Variants in RBM34 observed in about 807,000 individuals in gnomAD.
RBM34 encodes RNA binding motif protein 34.
A neutral mutation model predicts 44.6 loss-of-function variants in RBM34; 39 were observed. The ratio of observed to expected loss-of-function variants is 0.87; its 90% CI spans 0.68 to 1.14. RBM34 has a LOEUF of 1.14. Ranked by LOEUF, RBM34 falls within the 50% of genes most tolerant of loss-of-function variation. The pLI is 0.00. For synonymous variants in RBM34, 194 were observed against 184.0 expected (o/e 1.05, Z -0.44); for missense variants, 572 against 517.9 (o/e 1.10, Z -1.01).
chr1:235,154,211 A>C lies in RBM34; in HGVS notation c.597+670T>G, dbSNP rs983113279. Among the ~76,000 whole-genome samples the C allele has an allele frequency of 2.7e-5, 4 of 150,842 alleles. No homozygotes were observed. In the East Asian group the frequency reaches 7.8e-4, roughly 29 times the overall value. On this transcript the variant is annotated intron_variant, in intron 4 of 10. Coordinates refer to ENST00000408888, the MANE Select transcript of RBM34 (RefSeq NM_015014.4). ...CAGTGAACAGAGATCGCGCCACTGC[A>C]CTCCAGCCTGGGCAACAGAGCGAGA...
At chr1:235,154,314 G>A (rs965771078) in intron 4 of RBM34, among the ~76,000 whole-genome samples, 1 of 151,674 alleles carries the variant, frequency 6.6e-6, no homozygotes, top group Non-Finnish European at 1.5e-5. Context: ...GCTCATGCTT[G>A]AAGTCCCAGC....
rs752090756 is a variant in RBM34 at position 235,152,773 on chromosome 1, T to TAA, written c.598-10_598-9dup. 13 of 1,297,700 alleles carry TAA rather than the reference T, an allele frequency of 1.0e-5. No individual in the cohort carries two copies. The highest frequency in any genetic ancestry group is 2.4e-5 in the Admixed American group (1 of 42,160). The allele number at this position is 1,297,700 out of a possible 1,614,324, so 80.4% of individuals were successfully genotyped here. A position where few individuals can be genotyped will look rare whatever the true frequency, so the allele number is the denominator to read the frequency against. ...AAAAAACGACTTCAGCTTCTAAAAT[T>TAA]AAAAAAAAAAATACACATTAGCTGA... On this transcript the variant is annotated splice_polypyrimidine_tract_variant and intron_variant, in intron 4 of 10. Transcript: ENST00000408888.
intron 3 of RBM34, among the ~76,000 whole-genome samples, chr1:235,159,122 C>T (rs1229232798): frequency 6.7e-6 from 1 of 149,350 alleles, no homozygotes; most frequent in Non-Finnish European, 1.5e-5. Flanking sequence ...CTGAGGTGGG[C>T]GGCTGGATTG....
At chr1:235,158,245 T>C (rs1435929700) in intron 3 of RBM34, among the ~76,000 whole-genome samples, 1 of 151,244 alleles carries the variant, frequency 6.6e-6, no homozygotes, top group Non-Finnish European at 1.5e-5. Context: ...TGAAACCCCA[T>C]CTCTACCAAA....
chr1:235,155,970 C>G (rs1662426398), intron 3 of RBM34, among the ~76,000 whole-genome samples: 1 of 144,586 alleles, frequency 6.9e-6, no homozygotes. Context: ...CTCTGGTTCA[C>G]AACGATTCTT....
rs759685290 is a variant in RBM34, at chr1:235,135,681, C to G, written c.979G>C (p.Gly327Arg). ...RIVRDKMTGI[G>R]KGFGYVLFEN... ...AAGAGCACATAGCCAAACCCTTTGC[C>G]GATGCCTGTCATTTTGTCTCTCACA... The change falls in exon 10 of 11, where the codon GGC (glycine) becomes CGC (arginine). Residue 327 changes from glycine (G) to arginine (R), a missense_variant. By Grantham distance (125) the Gly-to-Arg change is moderately radical. Transcript: ENST00000408888. The G allele has an allele frequency of 6.8e-6, 11 of 1,614,184 alleles. No individual in the cohort carries two copies. Among genetic ancestry groups the G allele is most frequent in the Non-Finnish European group, 8.5e-6 (10 of 1,180,016 alleles).
chr1:235,147,194 G>A (rs147284974), intron 6 of RBM34, among the ~76,000 whole-genome samples: 16 of 152,282 alleles, frequency 1.1e-4, no homozygotes, highest in Non-Finnish European at 1.8e-4. Flanking sequence ...TCTTGCCACT[G>A]CACTCCAGCC....
intron 5 of RBM34, among the ~76,000 whole-genome samples, chr1:235,150,132 T>C (rs1258562181): frequency 6.6e-6 from 1 of 152,248 alleles, no homozygotes; most frequent in Non-Finnish European, 1.5e-5. Flanking sequence ...TGGAGTGCAG[T>C]GGCACAATCT....
chr1:235,160,495 A>T lies in RBM34; in HGVS notation c.365+16T>A, dbSNP rs558682420. 1.2e-6 allele frequency: 2 copies of T among 1,604,456 alleles called. No individual in the cohort carries two copies. The highest frequency in any genetic ancestry group is 2.3e-5 in the South Asian group (2 of 88,690). On this transcript the variant is annotated intron_variant, in intron 3 of 10. Coordinates refer to ENST00000408888, the MANE Select transcript of RBM34 (RefSeq NM_015014.4). ...CATCTAATTTCTTTAACATCAAATA[A>T]GAGAATTTTACCAACCTGTCTGCCA...
chr1:235,155,854 T>TATATATAC (rs1402005157), intron 3 of RBM34, among the ~76,000 whole-genome samples: 2 of 44,118 alleles, frequency 4.5e-5, no homozygotes, highest in Non-Finnish European at 7.5e-5. Flanking sequence ...TATATATATA[T>TATATATAC]ATATATATAT....
At chr1:235,142,926 C>CA (rs34015202) in intron 6 of RBM34, among the ~76,000 whole-genome samples, 1,608 of 65,956 alleles carry the variant, frequency 0.024, 55 homozygotes, top group African/African-American at 0.062. Context: ...GGATCCATCT[C>CA]AAAAAAAAAA....
In RBM34 at chr1:235,160,665, G is replaced by A; in HGVS notation, c.229-18C>T. 9 of 1,607,456 alleles carry A rather than the reference G, an allele frequency of 5.6e-6. No homozygotes were observed. The highest frequency in any genetic ancestry group is 5.9e-6 in the Non-Finnish European group (7 of 1,177,752). The stretch of plus-strand genomic sequence containing the variant: ...ATGGTTTGCTTTTTAAAAGTTTGAA[G>A]TTATATTTGAGACCCCATACTTCTA... On this transcript the variant is annotated intron_variant, in intron 2 of 10. Coordinates refer to ENST00000408888, the MANE Select transcript of RBM34 (RefSeq NM_015014.4).
chr1:235,146,164 G>C (rs1162492869), intron 6 of RBM34, among the ~76,000 whole-genome samples: 1 of 151,580 alleles, frequency 6.6e-6, no homozygotes, highest in African/African-American at 2.4e-5. Flanking sequence ...ATTTTGCCCA[G>C]GGAGGTCCTG....
chr1:235,139,809 G>A lies in RBM34; in HGVS notation c.702-1635C>T, dbSNP rs979838739. ...CTTCCTCCAATGAGAGACAGAGGAA[G>A]CACTGGCTCTTCTGGCTCTACGATG... On this transcript the variant is annotated intron_variant, in intron 6 of 10. Coordinates refer to ENST00000408888, the MANE Select transcript of RBM34 (RefSeq NM_015014.4). Among the ~76,000 whole-genome samples, 24 of 152,240 alleles carry A rather than the reference G, an allele frequency of 1.6e-4. 1 individual carries two copies. The highest frequency in any genetic ancestry group is 3.5e-4 in the Non-Finnish European group (24 of 68,042).
chr1:235,141,299 A>C (rs369106768), intron 6 of RBM34, among the ~76,000 whole-genome samples: 1 of 139,152 alleles, frequency 7.2e-6, no homozygotes, highest in Non-Finnish European at 1.6e-5. Context: ...CACACCAATC[A>C]GCACCCTGTG....
chr1:235,160,809 C>CA, intron 2 of RBM34, 84 bp downstream of exon 2: 1 of 1,551,900 alleles, frequency 6.4e-7, no homozygotes, highest in Non-Finnish European at 8.8e-7. Flanking sequence ...CTTTAGAAAT[C>CA]ACGCTTCACG....
At chr1:235,150,068 G>A (rs574005253) in intron 5 of RBM34, among the ~76,000 whole-genome samples, 40 of 152,062 alleles carry the variant, frequency 2.6e-4, no homozygotes, top group Non-Finnish European at 4.7e-4. Flanking sequence ...TATTTGTTTG[G>A]TTTTGTTTTA....
chr1:235,146,225 C>T (rs1434566956), intron 6 of RBM34, among the ~76,000 whole-genome samples: 1 of 151,990 alleles, frequency 6.6e-6, no homozygotes, highest in East Asian at 1.9e-4. Context: ...AGATTACAGG[C>T]GTGAGCCACT....
intron 3 of RBM34, among the ~76,000 whole-genome samples, chr1:235,159,523 T>G (rs112497263): frequency 1.4e-5 from 2 of 142,204 alleles, no homozygotes; most frequent in African/African-American, 5.2e-5. Flanking sequence ...ACTCCAGCCT[T>G]GGCGACAGAG....
Sources: gnomAD v4.1 joint callset for allele counts (sites outside exome capture counted in the v4.1 genomes callset) on GRCh38, gnomAD v4.1.1 for gene constraint, MANE v1.5 for transcripts, NCBI Gene and HGNC (gene_info 2026-07-23, HGNC 2026-07-21) for gene names.